Variants in PDS5B observed in about 807,000 individuals in gnomAD.
PDS5B encodes PDS5 cohesin associated factor B, also known as sister chromatid cohesion protein PDS5 homolog B.
A neutral mutation model predicts 184.1 loss-of-function variants in PDS5B; 51 were observed. The ratio of observed to expected loss-of-function variants is 0.28; its 90% CI spans 0.22 to 0.35. PDS5B has a LOEUF of 0.35. PDS5B is among the 10% of genes least tolerant of loss of function. PDS5B has a pLI of 1.00. For missense variants in PDS5B, 1,180 were observed against 1,723.3 expected (o/e 0.68, Z 5.58); for synonymous variants, 566 against 569.2 (o/e 0.99, Z 0.08).
At position 32,675,901 on chromosome 13, in the gene PDS5B, G is replaced by C; in HGVS notation, c.904G>C (p.Ala302Pro). The C allele has an allele frequency of 6.2e-7, 1 of 1,613,762 alleles. No homozygotes were observed. The highest frequency in any genetic ancestry group is 8.5e-7 in the Non-Finnish European group (1 of 1,179,756). ...TAAACTACTGGCAAAAATGTTTGGG[G>C]CAAAGGATTCAGAATTGGCTTCTCA... ...VVKLLAKMFG[A>P]KDSELASQNK... Residue 302 changes from alanine to proline, a missense_variant, in exon 9 of 35, where the codon GCA (alanine) becomes CCA (proline). Ala to Pro is a conservative substitution (Grantham distance 27, BLOSUM62 -1). Transcript: ENST00000315596.
At chr13:32,598,200 G>A (rs1386931419) in intron 1 of PDS5B, among the ~76,000 whole-genome samples, 1 of 151,918 alleles carries the variant, frequency 6.6e-6, no homozygotes, top group Non-Finnish European at 1.5e-5. Context: ...AGCCTCTCAA[G>A]TATCTGGGAC....
chr13:32,617,495 C>T (rs2058236809), intron 1 of PDS5B, among the ~76,000 whole-genome samples: 1 of 152,194 alleles, frequency 6.6e-6, no homozygotes, highest in Admixed American at 6.5e-5. Context: ...AGTAGCTATT[C>T]TCCCACTTGT....
At chr13:32,606,346 G>A (rs1424360540) in intron 1 of PDS5B, among the ~76,000 whole-genome samples, 1 of 152,176 alleles carries the variant, frequency 6.6e-6, no homozygotes, top group Non-Finnish European at 1.5e-5. Context: ...GGCTGGATAT[G>A]AAATTCTGGG....
intron 14 of PDS5B, among the ~76,000 whole-genome samples, chr13:32,696,345 C>G (rs968036988): frequency 6.6e-6 from 1 of 152,038 alleles, no homozygotes; most frequent in African/African-American, 2.4e-5. Context: ...GAATGTATTA[C>G]ATATGGTATA....
rs150877373 is a variant in PDS5B, at chr13:32,775,625, A to T, written c.*573A>T. ...GGCACCCTTAATCTTCAGAGGTGCT[A>T]AATTGTCTGCCATTACACCAGAAGG... On this transcript the variant is annotated 3_prime_UTR_variant, in exon 35 of 35. Transcript: ENST00000315596. 1 of 455,998 alleles carries T rather than the reference A, an allele frequency of 2.2e-6. No individual in the cohort carries two copies. Among genetic ancestry groups the T allele is most frequent in the South Asian group, 1.6e-5 (1 of 64,494 alleles). 28.2% of individuals were successfully genotyped at this position (455,998 alleles called of 1,614,324 possible).
Position 32,735,269 on chromosome 13 carries a change from C to T in PDS5B, c.2345C>T (p.Ala782Val), listed in dbSNP as rs1953290657. The T allele has an allele frequency of 6.2e-7, 1 of 1,611,896 alleles. No individual in the cohort carries two copies. Among genetic ancestry groups the T allele is most frequent in the Non-Finnish European group, 8.5e-7 (1 of 1,178,336 alleles). Residue 782 changes from alanine to valine, a missense_variant, in exon 21 of 35, where the codon GCT becomes GTT. This residue lies in a region of PDS5B where 475 missense variants were observed against 691.5 expected (regional missense o/e 0.69). Transcript: ENST00000315596. ...GCTCTCCTTGCACCTGATCAATTTGCTGCTCCTTTGAAATCTTTGGTAGCT... is the reference window on the plus strand; with the variant it reads ...GCTCTCCTTGCACCTGATCAATTTGTTGCTCCTTTGAAATCTTTGGTAGCT... ...HIALLAPDQF[A>V]APLKSLVATF...
At chr13:32,588,950 C>T (rs910334565) in intron 1 of PDS5B, among the ~76,000 whole-genome samples, 1 of 152,194 alleles carries the variant, frequency 6.6e-6, no homozygotes, top group African/African-American at 2.4e-5. Context: ...AGGAATATTT[C>T]GGGAAGCTGT....
At chr13:32,654,906 A>T (rs1950462997) in intron 3 of PDS5B, among the ~76,000 whole-genome samples, 1 of 151,826 alleles carries the variant, frequency 6.6e-6, no homozygotes, top group Non-Finnish European at 1.5e-5. Flanking sequence ...TATATGAAAT[A>T]TTTTCTTTAT....
chr13:32,744,877 C>T (rs1953689210), intron 23 of PDS5B, among the ~76,000 whole-genome samples: 2 of 152,104 alleles, frequency 1.3e-5, no homozygotes, highest in East Asian at 3.9e-4. Flanking sequence ...TTAAATACCC[C>T]GCAGTGCTAT....
chr13:32,595,384 C>T (rs2057847914), intron 1 of PDS5B, among the ~76,000 whole-genome samples: 1 of 152,030 alleles, frequency 6.6e-6, no homozygotes, highest in Non-Finnish European at 1.5e-5. Flanking sequence ...GAAAAAGATA[C>T]ACAATAAAAA....
intron 1 of PDS5B, among the ~76,000 whole-genome samples, chr13:32,601,188 G>C (rs743845): frequency 0.01 from 1,586 of 152,118 alleles, 40 homozygotes; most frequent in African/African-American, 0.036. Flanking sequence ...GCTTTCCTCT[G>C]TTTTCAAGTC....
intron 1 of PDS5B, among the ~76,000 whole-genome samples, chr13:32,598,371 C>T (rs1283935014): frequency 6.6e-6 from 1 of 151,872 alleles, no homozygotes; most frequent in East Asian, 1.9e-4. Context: ...CCGCGCCTGG[C>T]CAGGATTTTT....
intron 1 of PDS5B, among the ~76,000 whole-genome samples, chr13:32,635,275 T>G (rs556889663): frequency 2.2e-5 from 3 of 134,158 alleles, no homozygotes; most frequent in African/African-American, 8.2e-5. Flanking sequence ...TGCCCTCAAG[T>G]GACCCTCCTG....
chr13:32,616,496 C>G (rs2058221919), intron 1 of PDS5B, among the ~76,000 whole-genome samples: 2 of 152,070 alleles, frequency 1.3e-5, no homozygotes, highest in African/African-American at 4.8e-5. Context: ...TATGATGTTA[C>G]CAAGAAATAT....
At chr13:32,609,292 A>G (rs1003306872) in intron 1 of PDS5B, among the ~76,000 whole-genome samples, 1 of 152,190 alleles carries the variant, frequency 6.6e-6, no homozygotes, top group Non-Finnish European at 1.5e-5. Flanking sequence ...GCTAGCTACT[A>G]TTAGATTGTT....
At chr13:32,698,995 C>T (rs1951789298) in intron 15 of PDS5B, among the ~76,000 whole-genome samples, 1 of 152,094 alleles carries the variant, frequency 6.6e-6, no homozygotes, top group African/African-American at 2.4e-5. Flanking sequence ...CCTCGTGATC[C>T]TCCTGCCTCG....
chr13:32,727,004 G>A (rs1484122566), intron 19 of PDS5B, among the ~76,000 whole-genome samples: 1 of 151,990 alleles, frequency 6.6e-6, no homozygotes, highest in Non-Finnish European at 1.5e-5. Flanking sequence ...CTTTTATATT[G>A]GTTGTTTTGA....
At position 32,707,030 on chromosome 13, in the gene PDS5B, A is replaced by G; in HGVS notation, c.1953A>G (p.Glu651=). ...PTDQAIRAGL[E]LLKVLSFTHP... is the part of the protein sequence containing the mutation. The stretch of plus-strand genomic sequence containing the variant: ...ATCAAGCCATCAGAGCAGGTCTTGA[A>G]CTGCTTAAGGTAAGTATCTATTTAA... Residue 651 remains glutamate, a synonymous_variant, in exon 18 of 35, where the codon GAA becomes GAG. Transcript: ENST00000315596. The G allele has an allele frequency of 6.3e-7, 1 of 1,582,412 alleles. No individual in the cohort carries two copies. The highest frequency in any genetic ancestry group is 8.7e-7 in the Non-Finnish European group (1 of 1,155,912).
At chr13:32,735,972 T>C (rs1953315657) in intron 21 of PDS5B, among the ~76,000 whole-genome samples, 1 of 152,166 alleles carries the variant, frequency 6.6e-6, no homozygotes, top group South Asian at 2.1e-4. Context: ...ATTAAATATT[T>C]TTATTTCATT....
Sources: allele counts gnomAD v4.1 joint callset (sites outside exome capture counted in the v4.1 genomes callset), GRCh38; gene constraint gnomAD v4.1.1; regional missense constraint gnomAD v4.1.1; transcripts MANE v1.5; gene names NCBI Gene and HGNC (gene_info 2026-07-23, HGNC 2026-07-21).